The following GRAMD2B variants were observed in gnomAD, a reference collection of about 807,000 sequenced individuals.
The protein encoded by GRAMD2B is GRAM domain-containing protein 2B.
A neutral mutation model predicts 59.2 loss-of-function variants in GRAMD2B; 41 were observed. The ratio of observed to expected loss-of-function variants is 0.69; its 90% CI spans 0.54 to 0.90. The LOEUF is 0.90. Ranked by LOEUF, GRAMD2B falls within the 40% of genes least tolerant of loss-of-function variation. The pLI is 0.00. For missense variants in GRAMD2B, 424 were observed against 500.5 expected, an observed-to-expected ratio of 0.85 and a Z score of 1.46; for synonymous variants, 161 against 182.7, an observed-to-expected ratio of 0.88 and a Z score of 0.96.
rs1165302189 is a variant in GRAMD2B at position 126,485,741 on chromosome 5, G to A, written c.1026G>A (p.Met342Ile). The A allele has an allele frequency of 6.2e-7, 1 of 1,611,342 alleles. No homozygotes were observed. The highest frequency in any genetic ancestry group is 8.5e-7 in the Non-Finnish European group (1 of 1,178,338). ...AAGTCAAGTCTCAGAAATGTCCGAT[G>A]CTTCACCATATTCTTATATTCTATG... is the stretch of plus-strand genomic sequence containing the variant. ...LHKVKSQKCP[M>I]LHHILIFYAI... is the part of the protein sequence containing the mutation. Residue 342 changes from methionine to isoleucine, a missense_variant, in exon 11 of 14, where the codon ATG becomes ATA. Physicochemically the swap from Met to Ile is conservative, Grantham distance 10 (BLOSUM62 1). Coordinates refer to ENST00000285689, the MANE Select transcript of GRAMD2B (RefSeq NM_023927.4).
chr5:126,361,413 G>A (rs1754215257), intron 1 of GRAMD2B, among the ~76,000 whole-genome samples: 3 of 150,094 alleles, frequency 2.0e-5, no homozygotes. Context: ...TCCCAACTCT[G>A]CTGCCATTTA....
chr5:126,388,629 A>G (rs1756407644), intron 1 of GRAMD2B, among the ~76,000 whole-genome samples: 1 of 151,550 alleles, frequency 6.6e-6, no homozygotes, highest in Admixed American at 6.6e-5. Context: ...GGGAATATTC[A>G]TCTTAATATA....
chr5:126,447,189 C>T (rs115587012), intron 1 of GRAMD2B, among the ~76,000 whole-genome samples: 3,669 of 152,294 alleles, frequency 0.024, 146 homozygotes, highest in African/African-American at 0.083. Flanking sequence ...AAAGCACCCT[C>T]AGTACTTTAG....
chr5:126,385,579 C>T (rs1260264490), intron 1 of GRAMD2B, among the ~76,000 whole-genome samples: 6 of 152,198 alleles, frequency 3.9e-5, no homozygotes, highest in Non-Finnish European at 8.8e-5. Flanking sequence ...CTTCATGCCT[C>T]TGCTATTATT....
chr5:126,384,397 A>G (rs976983076), intron 1 of GRAMD2B, among the ~76,000 whole-genome samples: 1 of 152,226 alleles, frequency 6.6e-6, no homozygotes, highest in African/African-American at 2.4e-5. Context: ...CACATTTCCA[A>G]TGCTTAGTGC....
intron 5 of GRAMD2B, among the ~76,000 whole-genome samples, chr5:126,477,418 C>A (rs1770826082): frequency 6.6e-6 from 1 of 152,200 alleles, no homozygotes; most frequent in Non-Finnish European, 1.5e-5. Context: ...ATTTTGCATT[C>A]TATTTCCATG....
At chr5:126,480,959 T>G in intron 8 of GRAMD2B, 1 of 525,114 alleles carries the variant, frequency 1.9e-6, no homozygotes. Flanking sequence ...GAGTTACTGG[T>G]CAGTGAATGC....
chr5:126,429,917 A>G (rs1405465436), intron 1 of GRAMD2B, among the ~76,000 whole-genome samples: 1 of 152,226 alleles, frequency 6.6e-6, no homozygotes, highest in East Asian at 1.9e-4. Context: ...TCTGTTGTCC[A>G]ATACTTCTAT....
intron 1 of GRAMD2B, among the ~76,000 whole-genome samples, chr5:126,388,857 C>T (rs561061144): frequency 1.5e-4 from 23 of 151,880 alleles, no homozygotes; most frequent in African/African-American, 5.3e-4. Context: ...CCCAAAGTTA[C>T]CAAAGAGGGT....
At chr5:126,413,832 C>A (rs1291308632) in intron 1 of GRAMD2B, among the ~76,000 whole-genome samples, 1 of 152,048 alleles carries the variant, frequency 6.6e-6, no homozygotes, top group Non-Finnish European at 1.5e-5. Context: ...TTGAATTGAA[C>A]TTTTTATCCC....
Position 126,483,455 on chromosome 5 carries a change from C to G in GRAMD2B, c.736-8C>G, listed in dbSNP as rs758455584. On this transcript the variant is annotated splice_polypyrimidine_tract_variant and splice_region_variant and intron_variant, in intron 8 of 13. Coordinates refer to ENST00000285689, the MANE Select transcript of GRAMD2B (RefSeq NM_023927.4). The stretch of plus-strand genomic sequence containing the variant: ...TCAGCCTGTCTTCATTTCACTGTTT[C>G]CTTTCAGGATTTCAATGATGAATTC... 7.0e-6 allele frequency: 11 copies of G among 1,562,190 alleles called. No individual in the cohort carries two copies. In the East Asian group the frequency reaches 1.6e-4, roughly 22 times the overall value.
At chr5:126,472,200 G>T in intron 3 of GRAMD2B, 38 bp from the exon 4 acceptor site, 1 of 1,512,904 alleles carries the variant, frequency 6.6e-7, no homozygotes. Context: ...TCACAAGAAA[G>T]TGAGAATGGT....
At chr5:126,466,192 C>A in intron 2 of GRAMD2B, 1 of 1,514,944 alleles carries the variant, frequency 6.6e-7, no homozygotes, top group South Asian at 1.3e-5. Context: ...CATTGTGGTC[C>A]TTCACCATTA....
chr5:126,490,660 C>G (rs1249606268), intron 13 of GRAMD2B, among the ~76,000 whole-genome samples: 4 of 152,214 alleles, frequency 2.6e-5, no homozygotes, highest in Admixed American at 6.5e-5. Context: ...TTTGATTCAT[C>G]TGCACCTTTC....
At chr5:126,367,497 GA>G (rs11357862), upstream of GRAMD2B, among the ~76,000 whole-genome samples, 1,497 of 151,898 alleles carry the variant, frequency 9.9e-3, 23 homozygotes, top group African/African-American at 0.034. Context: ...GGGAGAGGAG[GA>G]AAAGGGGAAT....
intron 1 of GRAMD2B, among the ~76,000 whole-genome samples, chr5:126,434,666 C>T (rs565314004): frequency 4.7e-4 from 72 of 152,084 alleles, no homozygotes; most frequent in African/African-American, 1.5e-3. Flanking sequence ...TACAGGTGCC[C>T]GCCACCACGC....
At chr5:126,410,658 A>T (rs1758703430) in intron 1 of GRAMD2B, among the ~76,000 whole-genome samples, 1 of 152,086 alleles carries the variant, frequency 6.6e-6, no homozygotes, top group African/African-American at 2.4e-5. Context: ...TTCTTTGAAA[A>T]GTCTCCAAAC....
In GRAMD2B at chr5:126,488,911, G is replaced by C. The variant is rs774559558; in HGVS notation, c.1257+19G>C. The stretch of plus-strand genomic sequence containing the variant: ...AGAAAAGGTGACCTATTTCTTTCCT[G>C]TGTATGGGGGCAGTCACAGTAGTGC... On this transcript the variant is annotated intron_variant, in intron 13 of 13. Transcript: ENST00000285689. 2.5e-6 allele frequency: 4 copies of C among 1,573,862 alleles called. No homozygotes were observed. The highest frequency in any genetic ancestry group is 2.6e-6 in the Non-Finnish European group (3 of 1,143,962).
At chr5:126,429,870 C>T (rs1364817567) in intron 1 of GRAMD2B, among the ~76,000 whole-genome samples, 1 of 152,196 alleles carries the variant, frequency 6.6e-6, no homozygotes, top group Non-Finnish European at 1.5e-5. Context: ...GACCTTCCAG[C>T]TAATTTAAAT....
Sources: gnomAD v4.1 joint callset for allele counts (sites outside exome capture counted in the v4.1 genomes callset) on GRCh38, gnomAD v4.1.1 for gene constraint, MANE v1.5 for transcripts, NCBI Gene and HGNC (gene_info 2026-07-23, HGNC 2026-07-21) for gene names.